ARSF: variants seen among roughly 807,000 people sequenced by gnomAD.
The protein encoded by ARSF is arylsulfatase F.
A neutral mutation model predicts 35.4 loss-of-function variants in ARSF; 33 were observed. The observed-to-expected ratio is 0.93, with a 90% CI of 0.71 to 1.25. The LOEUF (loss-of-function observed/expected upper bound fraction) is 1.25, where lower values mean the gene tolerates loss of function less well. Among genes scored for constraint, ARSF ranks in the 50% most tolerant of loss-of-function variants. The pLI is 0.00. For synonymous variants in ARSF, 222 were observed against 193.1 expected, an observed-to-expected ratio of 1.15 and a Z score of -1.24; for missense variants, 501 against 480.2, an observed-to-expected ratio of 1.04 and a Z score of -0.40.
chrX:3,089,575 G>A lies in ARSF; in HGVS notation c.910G>A (p.Gly304Ser), dbSNP rs1237241604. The change falls in exon 7 of 11, where the codon GGC becomes AGC. Residue 304 changes from glycine (G) to serine (S), a missense_variant. Coordinates refer to ENST00000381127, the MANE Select transcript of ARSF (RefSeq NM_001201539.2). Reference sequence around the variant, plus strand: ...TCTCCCCACCACGGACGATTTCACTGGCACCAGCAAGCATGGCTTGTATGG... The same window carrying A: ...TCTCCCCACCACGGACGATTTCACTAGCACCAGCAAGCATGGCTTGTATGG... ...TPLPTTDDFT[G>S]TSKHGLYGDN... 1 of 1,209,646 alleles carries A rather than the reference G, an allele frequency of 8.3e-7. No homozygotes were observed. The highest frequency in any genetic ancestry group is 1.1e-6 in the Non-Finnish European group (1 of 895,039).
At chrX:3,108,131 A>G (rs776978491) in intron 9 of ARSF, among the ~76,000 whole-genome samples, 1 of 112,119 alleles carries the variant, frequency 8.9e-6, no homozygotes, top group East Asian at 2.8e-4. Flanking sequence ...CGTGTTGGTC[A>G]ATTCCTGGAC....
intron 1 of ARSF, among the ~76,000 whole-genome samples, chrX:3,047,029 C>G (rs1210372757): frequency 9.0e-6 from 1 of 110,728 alleles, no homozygotes; most frequent in Non-Finnish European, 1.9e-5. Context: ...GGGCCACATT[C>G]AAAGCTGTCC....
chrX:3,089,236 C>G (rs112050377), intron 6 of ARSF, among the ~76,000 whole-genome samples: 1,346 of 111,122 alleles, frequency 0.012, 15 homozygotes, highest in African/African-American at 0.041. Context: ...TTGTTTCTCC[C>G]GCTCCCTTCC....
chrX:3,072,505 C>A (rs771410026), intron 3 of ARSF, among the ~76,000 whole-genome samples: 1 of 110,971 alleles, frequency 9.0e-6, no homozygotes, highest in Non-Finnish European at 1.9e-5. Context: ...TAGCATTAAC[C>A]AGGATGGTCA....
In ARSF at chrX:3,068,079, A is replaced by G. The variant is rs1191771797; in HGVS notation, c.-22A>G. The G allele has an allele frequency of 8.4e-7, 1 of 1,196,013 alleles. No individual in the cohort carries two copies. The highest frequency in any genetic ancestry group is 3.0e-5 in the East Asian group (1 of 33,497). ...TCTGTGTCTTCTGCCAAAGACAACAAGAAGGTATTCCAAGCTGCACAATGA... is the reference window on the plus strand; with the variant it reads ...TCTGTGTCTTCTGCCAAAGACAACAGGAAGGTATTCCAAGCTGCACAATGA... On this transcript the variant is annotated 5_prime_UTR_variant, in exon 2 of 11. Coordinates refer to ENST00000381127, the MANE Select transcript of ARSF (RefSeq NM_001201539.2).
At chrX:3,042,932 G>A (rs775334733) in intron 1 of ARSF, among the ~76,000 whole-genome samples, 3 of 110,717 alleles carry the variant, frequency 2.7e-5, no homozygotes, top group East Asian at 5.8e-4. Flanking sequence ...TGAGGCAGGC[G>A]GATCATGAGG....
chrX:3,080,857 C>T (rs1663626372), intron 4 of ARSF, 34 bp from the exon 5 acceptor site: 7 of 1,205,226 alleles, frequency 5.8e-6, no homozygotes, highest in Non-Finnish European at 7.8e-6. Flanking sequence ...GTAGCAACAC[C>T]TACTCATTGT....
chrX:3,054,820 G>C (rs1049454351), intron 1 of ARSF, among the ~76,000 whole-genome samples: 2 of 106,066 alleles, frequency 1.9e-5, no homozygotes, highest in Non-Finnish European at 3.9e-5. Flanking sequence ...TGCAATCTCC[G>C]CCTCCCAGGT....
chrX:3,077,774 A>T (rs867371115), intron 4 of ARSF, among the ~76,000 whole-genome samples: 2 of 85,911 alleles, frequency 2.3e-5, no homozygotes, highest in Admixed American at 2.6e-4. Flanking sequence ...CTCAATTTAT[A>T]TCAATTTTAT....
At chrX:3,061,515 A>G (rs1219579264) in intron 1 of ARSF, among the ~76,000 whole-genome samples, 1 of 111,739 alleles carries the variant, frequency 8.9e-6, no homozygotes, top group Non-Finnish European at 1.9e-5. Context: ...GGCAAATTGG[A>G]TAGAGTCAAG....
At position 3,058,399 on chromosome X, in the gene ARSF, C is replaced by T. The variant is rs1398729677; in HGVS notation, c.-28-9674C>T. 3.3e-5 allele frequency: 5 copies of T among 152,192 alleles called. No individual in the cohort carries two copies. The South Asian group carries it at 4.7e-4, about 14-fold the overall frequency. The allele number at this position is 152,192 out of a possible 1,213,427, so 12.5% of individuals were successfully genotyped here. A position where few individuals can be genotyped will look rare whatever the true frequency, so the allele number is the denominator to read the frequency against. ...GGGAGGTCACCAAGCTGGTGCTGAA[C>T]GTAGTGCAGATACTTGATCAGCCTA... is the stretch of plus-strand genomic sequence containing the variant. On this transcript the variant is annotated intron_variant, in intron 1 of 10. Transcript: ENST00000381127.
chrX:3,084,773 ACTT>A, intron 6 of ARSF, 107 bp downstream of exon 6: 2 of 771,220 alleles, frequency 2.6e-6, no homozygotes, highest in Non-Finnish European at 3.5e-6. Flanking sequence ...TCTATTGTAC[ACTT>A]CTAAATAGCT....
chrX:3,087,060 C>T (rs1467299446), intron 6 of ARSF, among the ~76,000 whole-genome samples: 1 of 111,341 alleles, frequency 9.0e-6, no homozygotes, highest in Non-Finnish European at 1.9e-5. Context: ...TTCTGCATCT[C>T]TCTTATAAAA....
intron 4 of ARSF, among the ~76,000 whole-genome samples, chrX:3,079,970 C>CAAAAAAAAAAAAAAAA (rs1224175073): frequency 1.1e-4 from 3 of 28,402 alleles, no homozygotes; most frequent in Non-Finnish European, 1.7e-4. Context: ...ACAACAACAA[C>CAAAAAAAAAAAAAAAA]AAAAAAAAAA....
intron 1 of ARSF, among the ~76,000 whole-genome samples, chrX:3,046,584 A>C (rs1274121038): frequency 9.0e-6 from 1 of 111,629 alleles, no homozygotes; most frequent in Non-Finnish European, 1.9e-5. Flanking sequence ...ATATATAGCA[A>C]ATGCAAATTA....
chrX:3,072,093 G>A lies in ARSF; in HGVS notation c.79G>A (p.Asp27Asn). The change falls in exon 3 of 11, where the codon GAC becomes AAC. Residue 27 changes from aspartate (D) to asparagine (N), a missense_variant. Asp to Asn is a conservative substitution (Grantham distance 23). Coordinates refer to ENST00000381127, the MANE Select transcript of ARSF (RefSeq NM_001201539.2). Reference protein sequence around the residue: ...LNTCQAHRVHDDKPNIVLIMV... With the variant: ...LNTCQAHRVHNDKPNIVLIMV... Reference sequence around the variant, plus strand: ...CACATGCCAGGCACACAGGGTGCATGACGACAAGCCTAATATTGTCCTAAT... The same window carrying A: ...CACATGCCAGGCACACAGGGTGCATAACGACAAGCCTAATATTGTCCTAAT... 1 of 1,202,721 alleles carries A rather than the reference G, an allele frequency of 8.3e-7. No homozygotes were observed. The highest frequency in any genetic ancestry group is 1.1e-6 in the Non-Finnish European group (1 of 893,757).
At chrX:3,070,767 A>G (rs1306824276) in intron 2 of ARSF, among the ~76,000 whole-genome samples, 1 of 110,899 alleles carries the variant, frequency 9.0e-6, no homozygotes, top group Non-Finnish European at 1.9e-5. Context: ...CCATTGCGTC[A>G]TTCTTATGCC....
intron 3 of ARSF, among the ~76,000 whole-genome samples, chrX:3,073,537 A>C (rs868764439): frequency 1.0e-5 from 1 of 98,334 alleles, no homozygotes; most frequent in Non-Finnish European, 2.0e-5. Flanking sequence ...TATATTAATA[A>C]ATAAATATAT....
chrX:3,104,257 A>G (rs1434316319), intron 9 of ARSF, among the ~76,000 whole-genome samples: 2 of 109,714 alleles, frequency 1.8e-5, no homozygotes, highest in Non-Finnish European at 1.9e-5. Flanking sequence ...TCTACTTTCT[A>G]TCTTCCTAAG....
Sources: allele counts gnomAD v4.1 joint callset (sites outside exome capture counted in the v4.1 genomes callset), GRCh38; gene constraint gnomAD v4.1.1; transcripts MANE v1.5; gene names NCBI Gene and HGNC (gene_info 2026-07-23, HGNC 2026-07-21).